C20orf203: variants seen among roughly 807,000 people sequenced by gnomAD.
C20orf203 encodes the protein chromosome 20 open reading frame 203.
Under a neutral mutation model 15.9 loss-of-function variants are expected in C20orf203, and 16 were observed. The observed-to-expected ratio is 1.01, with a 90% CI of 0.68 to 1.53. C20orf203 has a LOEUF of 1.53. Ranked by LOEUF, C20orf203 falls within the 40% of genes most tolerant of loss-of-function variation. C20orf203 has a pLI of 0.00. For synonymous variants in C20orf203, 98 were observed against 97.2 expected (o/e 1.01, Z -0.05); for missense variants, 263 against 247.5 (o/e 1.06, Z -0.42).
intron 1 of C20orf203, among the ~76,000 whole-genome samples, chr20:32,662,460 A>G (rs6087964): frequency 0.69 from 104,318 of 151,798 alleles, 36,810 homozygotes; most frequent in Middle Eastern, 0.84. Flanking sequence ...AATTAGCTGG[A>G]CATGGTGGCA....
intron 1 of C20orf203, among the ~76,000 whole-genome samples, chr20:32,667,193 C>T (rs1488171608): frequency 6.6e-6 from 1 of 152,040 alleles, no homozygotes; most frequent in Admixed American, 6.6e-5. Context: ...AAGGTCGAAG[C>T]AGTGGGAAAG....
At chr20:32,640,906 C>T (rs1203084443) in intron 4 of C20orf203, among the ~76,000 whole-genome samples, 3 of 152,158 alleles carry the variant, frequency 2.0e-5, no homozygotes, top group Non-Finnish European at 4.4e-5. Flanking sequence ...ATCTTTGTGA[C>T]AGGCTCCTTT....
intron 1 of C20orf203, among the ~76,000 whole-genome samples, chr20:32,663,976 G>C (rs114430914): frequency 1.6e-3 from 244 of 152,368 alleles, no homozygotes; most frequent in African/African-American, 5.6e-3. Context: ...TTCATTATCT[G>C]CTGTACGAGA....
chr20:32,650,885 T>C lies in C20orf203; in HGVS notation c.136-4A>G. 1 of 1,448,522 alleles carries C rather than the reference T, an allele frequency of 6.9e-7. No homozygotes were observed. Among genetic ancestry groups the C allele is most frequent in the Non-Finnish European group, 9.1e-7 (1 of 1,098,178 alleles). 89.7% of individuals were successfully genotyped at this position (1,448,522 alleles called of 1,614,324 possible). A position where few individuals can be genotyped will look rare whatever the true frequency, so the allele number is the denominator to read the frequency against. ...GTCCAGCCAAGACTGATGTGGCCTG[T>C]TGGGAACAAGGCCCCCAAGAAGATC... On this transcript the variant is annotated splice_polypyrimidine_tract_variant and splice_region_variant and intron_variant, in intron 3 of 5. Transcript: ENST00000608990.
In C20orf203 at chr20:32,651,935, G is replaced by A. The variant is rs1036794368; in HGVS notation, c.-217C>T. ...GGTCCTGAACAAGACCCCAGGAAGG[G>A]ACTAAGATGAATCTGAGATTCACTC... On this transcript the variant is annotated 5_prime_UTR_variant, in exon 2 of 6. Coordinates refer to ENST00000608990, the MANE Select transcript of C20orf203 (RefSeq NM_182584.4). 1 of 152,172 alleles carries A rather than the reference G, an allele frequency of 6.6e-6. No individual in the cohort carries two copies. The highest frequency in any genetic ancestry group is 2.4e-5 in the African/African-American group (1 of 41,430). 9.4% of individuals were successfully genotyped at this position (152,172 alleles called of 1,614,324 possible).
intron 5 of C20orf203, 126 bp downstream of exon 5, chr20:32,640,440 C>G (rs1186498953): frequency 6.6e-6 from 1 of 152,112 alleles, no homozygotes; most frequent in African/African-American, 2.4e-5. Flanking sequence ...ACCTGTAATC[C>G]CACCACTTTG....
At position 32,651,064 on chromosome 20, in the gene C20orf203, G is replaced by A; in HGVS notation, c.89C>T (p.Pro30Leu). The A allele has an allele frequency of 6.5e-7, 1 of 1,528,602 alleles. No homozygotes were observed. The allele number at this position is 1,528,602 out of a possible 1,614,324, so 94.7% of individuals were successfully genotyped here. Residue 30 changes from proline to leucine, a missense_variant, in exon 3 of 6, where the codon CCT becomes CTT. Pro to Leu is a moderately conservative substitution (Grantham distance 98). Coordinates refer to ENST00000608990, the MANE Select transcript of C20orf203 (RefSeq NM_182584.4). ...PNMLDHRQWP[P>L]RLASFPFTKT... ...TGTAAAGGGAAAACTGGCCAGGCGAGGTGGCCACTGCCTGTGATCCAGCAT... is the reference window on the plus strand; with the variant it reads ...TGTAAAGGGAAAACTGGCCAGGCGAAGTGGCCACTGCCTGTGATCCAGCAT...
At chr20:32,673,116 C>T (rs932012785) in intron 1 of C20orf203, among the ~76,000 whole-genome samples, 1 of 152,132 alleles carries the variant, frequency 6.6e-6, no homozygotes. Context: ...CACCCTGGGG[C>T]GGGTGAGGAG....
Position 32,632,774 on chromosome 20 carries a change from T to G in C20orf203, c.*2796A>C, listed in dbSNP as rs1232808843. The G allele has an allele frequency of 2.0e-5, 3 of 152,198 alleles. No homozygotes were observed. The highest frequency in any genetic ancestry group is 4.4e-5 in the Non-Finnish European group (3 of 68,034). 9.4% of individuals were successfully genotyped at this position (152,198 alleles called of 1,614,324 possible). On this transcript the variant is annotated 3_prime_UTR_variant, in exon 6 of 6. Coordinates refer to ENST00000608990, the MANE Select transcript of C20orf203 (RefSeq NM_182584.4). The stretch of plus-strand genomic sequence containing the variant: ...CTGCACAACAGCCCTGGGAGGCAGG[T>G]GGTCCCTGTGTTAGAGATGAGGAAA...
At chr20:32,650,934 C>T (rs1421225571) in intron 3 of C20orf203, 53 bp from the exon 4 acceptor site, 62 of 1,443,420 alleles carry the variant, frequency 4.3e-5, no homozygotes, top group Non-Finnish European at 5.2e-5. Flanking sequence ...ACCTGAGACT[C>T]GCAAGGGGCT....
chr20:32,658,032 G>A (rs567008723), intron 1 of C20orf203: 4 of 151,940 alleles, frequency 2.6e-5, no homozygotes, highest in East Asian at 3.9e-4. Context: ...AGGTACTTAA[G>A]AGACTTTAAG....
In C20orf203 at chr20:32,633,552, G is replaced by T. The variant is rs1451604146; in HGVS notation, c.*2018C>A. On this transcript the variant is annotated 3_prime_UTR_variant, in exon 6 of 6. Transcript: ENST00000608990. ...AGCCTCCTGTCCTGGGCCCACAGCA[G>T]ACATACAACAAATGTTTGTTGAGGG... 1 of 152,634 alleles carries T rather than the reference G, an allele frequency of 6.6e-6. No individual in the cohort carries two copies. Among genetic ancestry groups the T allele is most frequent in the Non-Finnish European group, 1.5e-5 (1 of 68,398 alleles). The allele number at this position is 152,634 out of a possible 1,614,324, so 9.5% of individuals were successfully genotyped here. A position where few individuals can be genotyped will look rare whatever the true frequency, so the allele number is the denominator to read the frequency against.
rs1982081923 is a variant in C20orf203 at position 32,634,368 on chromosome 20, A to T, written c.*1300-98T>A. ...AAAGCGGTGGAAGACAGCGTGAGAC[A>T]TTCAAGAAGTGCACGTTGTTCCTTA... On this transcript the variant is annotated intron_variant, in intron 5 of 5. Transcript: ENST00000608990. The T allele has an allele frequency of 7.6e-6, 3 of 396,726 alleles. 1 individual carries two copies. Among genetic ancestry groups the T allele is most frequent in the South Asian group, 2.9e-4 (2 of 7,000 alleles). 24.6% of individuals were successfully genotyped at this position (396,726 alleles called of 1,614,324 possible).
intron 4 of C20orf203, among the ~76,000 whole-genome samples, chr20:32,642,658 G>A (rs1217021279): frequency 6.6e-6 from 1 of 152,166 alleles, no homozygotes; most frequent in Admixed American, 6.6e-5. Context: ...TATCTGTCTA[G>A]GGGCTTGTAA....
intron 1 of C20orf203, among the ~76,000 whole-genome samples, chr20:32,652,322 C>CA (rs11483593): frequency 0.12 from 2,092 of 18,156 alleles, 557 homozygotes; most frequent in Middle Eastern, 0.25. Context: ...GACTCCATCT[C>CA]AAAAAAAAAA....
rs1298210227 is a variant in C20orf203 at position 32,632,430 on chromosome 20, A to G, written c.*3140T>C. On this transcript the variant is annotated 3_prime_UTR_variant, in exon 6 of 6. Coordinates refer to ENST00000608990, the MANE Select transcript of C20orf203 (RefSeq NM_182584.4). ...TAATTCAAACAAAGCAAAGGGATGTACAGTGAAAAACAAGTCTTTTCTCCT... is the reference window on the plus strand; with the variant it reads ...TAATTCAAACAAAGCAAAGGGATGTGCAGTGAAAAACAAGTCTTTTCTCCT... The G allele has an allele frequency of 6.6e-6, 1 of 152,242 alleles. No individual in the cohort carries two copies. Among genetic ancestry groups the G allele is most frequent in the Admixed American group, 6.5e-5 (1 of 15,286 alleles). 9.4% of individuals were successfully genotyped at this position (152,242 alleles called of 1,614,324 possible).
At chr20:32,639,663 A>G (rs1982229344) in intron 5 of C20orf203, among the ~76,000 whole-genome samples, 1 of 150,158 alleles carries the variant, frequency 6.7e-6, no homozygotes. Flanking sequence ...TGAGGATTAA[A>G]GGAGACAACA....
Position 32,650,756 on chromosome 20 carries a change from C to T in C20orf203, c.261G>A (p.Pro87=), listed in dbSNP as rs767583963. ...TTTCCTGATAAGGGCCTGGGTGTTG[C>T]GGAGGAGGAGGCTGGCGCTGGTGGC... ...QPSHQRQPPP[P]QHPGPYQERI... is the part of the protein sequence containing the mutation. The change falls in exon 4 of 6, where the codon CCG becomes CCA. Residue 87 remains proline, a synonymous_variant. Coordinates refer to ENST00000608990, the MANE Select transcript of C20orf203 (RefSeq NM_182584.4). 5.9e-6 allele frequency: 9 copies of T among 1,526,382 alleles called. No homozygotes were observed. The East Asian group carries it at 7.4e-5, about 13-fold the overall frequency. 94.6% of individuals were successfully genotyped at this position (1,526,382 alleles called of 1,614,324 possible).
intron 1 of C20orf203, among the ~76,000 whole-genome samples, chr20:32,664,710 C>T (rs1285985662): frequency 1.3e-5 from 2 of 152,196 alleles, no homozygotes; most frequent in African/African-American, 4.8e-5. Context: ...GAACTGAGGC[C>T]ACACGCTGCC....
Sources: allele counts gnomAD v4.1 joint callset (sites outside exome capture counted in the v4.1 genomes callset), GRCh38; gene constraint gnomAD v4.1.1; transcripts MANE v1.5; gene names NCBI Gene and HGNC (gene_info 2026-07-23, HGNC 2026-07-21).